The following MGAT4C variants were observed in gnomAD, a reference collection of about 807,000 sequenced individuals.
MGAT4C encodes alpha-1,3-mannosyl-glycoprotein 4-beta-N-acetylglucosaminyltransferase C.
Under a neutral mutation model 40.1 loss-of-function variants are expected in MGAT4C, and 19 were observed. The observed-to-expected ratio is 0.47, with a 90% confidence interval of 0.33 to 0.70. MGAT4C has a LOEUF of 0.70. Among genes scored for constraint, MGAT4C ranks in the 30% least tolerant of loss-of-function variants. MGAT4C has a pLI of 0.02. For missense variants in MGAT4C, 491 were observed against 563.2 expected (o/e 0.87, Z 1.30); for synonymous variants, 181 against 187.1 (o/e 0.97, Z 0.27).
intron 4 of MGAT4C, among the ~76,000 whole-genome samples, chr12:86,285,391 G>C (rs956145220): frequency 1.3e-5 from 2 of 151,934 alleles, no homozygotes; most frequent in African/African-American, 4.8e-5. Flanking sequence ...ATTGTGCTTT[G>C]CTTGTAATAA....
intron 2 of MGAT4C, among the ~76,000 whole-genome samples, chr12:86,460,683 G>GAT (rs75838372): frequency 0.045 from 6,622 of 148,316 alleles, 187 homozygotes; most frequent in Non-Finnish European, 0.068. Flanking sequence ...TCTTAAAGAT[G>GAT]ATATATATAT....
At chr12:86,298,152 T>A (rs1414888539) in intron 4 of MGAT4C, among the ~76,000 whole-genome samples, 2 of 151,904 alleles carry the variant, frequency 1.3e-5, no homozygotes, top group Non-Finnish European at 2.9e-5. Flanking sequence ...TAAAAAAAAA[T>A]CAATGGGTTT....
At chr12:86,395,600 C>A (rs1156358537) in intron 3 of MGAT4C, among the ~76,000 whole-genome samples, 1 of 152,166 alleles carries the variant, frequency 6.6e-6, no homozygotes, top group Non-Finnish European at 1.5e-5. Flanking sequence ...TATGCACATT[C>A]AACCAATGTA....
intron 1 of MGAT4C, among the ~76,000 whole-genome samples, chr12:86,052,588 C>G (rs1460446772): frequency 1.3e-5 from 2 of 151,904 alleles, no homozygotes; most frequent in East Asian, 3.9e-4. Flanking sequence ...ATCAAATTGA[C>G]CACACTACAT....
chr12:86,694,901 G>A (rs1467619156), intron 2 of MGAT4C, among the ~76,000 whole-genome samples: 2 of 152,078 alleles, frequency 1.3e-5, no homozygotes, highest in Non-Finnish European at 2.9e-5. Flanking sequence ...GGCAATCAAA[G>A]CAAAAATGGA....
At chr12:86,835,715 CT>C (rs1166851755) in intron 1 of MGAT4C, among the ~76,000 whole-genome samples, 1 of 151,946 alleles carries the variant, frequency 6.6e-6, no homozygotes, top group African/African-American at 2.4e-5. Flanking sequence ...AAACTAGTCA[CT>C]TTTCAATTTT....
chr12:86,782,212 C>T (rs1479071361), intron 1 of MGAT4C, among the ~76,000 whole-genome samples: 1 of 107,672 alleles, frequency 9.3e-6, no homozygotes, highest in South Asian at 3.4e-4. Flanking sequence ...GACGGAGTCT[C>T]GCTCTGTCGC....
chr12:86,392,720 T>A (rs910791596), intron 3 of MGAT4C, among the ~76,000 whole-genome samples: 6 of 152,192 alleles, frequency 3.9e-5, no homozygotes, highest in Non-Finnish European at 7.3e-5. Context: ...GACGTATGCA[T>A]TGCATATTCA....
intron 2 of MGAT4C, among the ~76,000 whole-genome samples, chr12:86,718,048 G>A (rs1270782054): frequency 6.6e-6 from 1 of 152,094 alleles, no homozygotes; most frequent in African/African-American, 2.4e-5. Context: ...TGGTCATAAT[G>A]GGGGATGGGA....
intron 2 of MGAT4C, among the ~76,000 whole-genome samples, chr12:86,480,407 G>GTA (rs962008439): frequency 1.1e-4 from 16 of 150,968 alleles, no homozygotes; most frequent in African/African-American, 3.4e-4. Flanking sequence ...GTACATATAA[G>GTA]TATATATATC....
intron 1 of MGAT4C, among the ~76,000 whole-genome samples, chr12:86,066,731 G>C (rs1166199535): frequency 6.6e-6 from 1 of 152,156 alleles, no homozygotes; most frequent in Non-Finnish European, 1.5e-5. Context: ...AAACGAAAGA[G>C]TTTCTGCACA....
At chr12:86,243,820 A>G (rs1369410596) in intron 1 of MGAT4C, among the ~76,000 whole-genome samples, 1 of 152,240 alleles carries the variant, frequency 6.6e-6, no homozygotes, top group Non-Finnish European at 1.5e-5. Flanking sequence ...AGACCTATCC[A>G]AGCTGTGTCC....
Position 86,383,060 on chromosome 12 carries a change from T to C in MGAT4C, c.-119-48933A>G, listed in dbSNP as rs181831194. ...ATCCTTTAGACCTCAGAATGGTAGA[T>C]CCACTGACAGCCTGCATTGGGTTTC... On this transcript the variant is annotated intron_variant, in intron 3 of 7. Coordinates refer to the MGAT4C transcript ENST00000548651. Among the ~76,000 whole-genome samples the C allele has an allele frequency of 3.1e-3, 467 of 152,246 alleles. 3 individuals are homozygous for C. The highest frequency in any genetic ancestry group is 5.0e-3 in the Non-Finnish European group (337 of 68,012).
chr12:86,488,671 T>C (rs1958072116), intron 2 of MGAT4C, among the ~76,000 whole-genome samples: 1 of 152,178 alleles, frequency 6.6e-6, no homozygotes, highest in Non-Finnish European at 1.5e-5. Context: ...TGAGGAACCG[T>C]ATTATTTCTC....
intron 1 of MGAT4C, among the ~76,000 whole-genome samples, chr12:86,809,323 G>A (rs546649320): frequency 1.2e-4 from 19 of 152,132 alleles, no homozygotes; most frequent in Admixed American, 4.6e-4. Flanking sequence ...GGATATCTGA[G>A]CTATTTCCAG....
At chr12:86,748,369 C>T (rs532943403) in intron 1 of MGAT4C, among the ~76,000 whole-genome samples, 8 of 151,590 alleles carry the variant, frequency 5.3e-5, no homozygotes, top group Admixed American at 3.3e-4. Flanking sequence ...GGAAGCCTGG[C>T]GAAGAGCCAG....
chr12:86,426,732 G>C lies in MGAT4C; in HGVS notation c.-120+8425C>G, dbSNP rs375767979. Reference sequence around the variant, plus strand: ...GGAGGCCGAGGAGGGCGGATCACGAGGTCAGGAGATCGAGACCATCCTGGC... The same window carrying C: ...GGAGGCCGAGGAGGGCGGATCACGACGTCAGGAGATCGAGACCATCCTGGC... On this transcript the variant is annotated intron_variant, in intron 3 of 7. Transcript: ENST00000548651. Among the ~76,000 whole-genome samples, 14 of 152,288 alleles carry C rather than the reference G, an allele frequency of 9.2e-5. 1 individual carries two copies. Among genetic ancestry groups the C allele is most frequent in the African/African-American group, 3.4e-4 (14 of 41,566 alleles).
intron 2 of MGAT4C, among the ~76,000 whole-genome samples, chr12:86,529,363 T>A (rs1376936732): frequency 6.6e-6 from 1 of 152,072 alleles, no homozygotes; most frequent in Non-Finnish European, 1.5e-5. Context: ...TAAGCACCAG[T>A]ATGAGCATTC....
chr12:86,432,679 A>G (rs928160050), intron 3 of MGAT4C, among the ~76,000 whole-genome samples: 1 of 152,034 alleles, frequency 6.6e-6, no homozygotes, highest in Non-Finnish European at 1.5e-5. Context: ...ATGGGATGCA[A>G]TTTTATCAGC....
Sources: gnomAD v4.1 joint callset for allele counts (sites outside exome capture counted in the v4.1 genomes callset) on GRCh38, gnomAD v4.1.1 for gene constraint, MANE v1.5 for transcripts, NCBI Gene and HGNC (gene_info 2026-07-23, HGNC 2026-07-21) for gene names.